The following NAV2 variants were observed in gnomAD, a reference collection of about 807,000 sequenced individuals.
The protein encoded by NAV2 is helicase, APC down-regulated 1.
In NAV2, 54 loss-of-function variants were observed where a neutral mutation model predicts 223.2. The ratio of observed to expected loss-of-function variants is 0.24; its 90% confidence interval spans 0.19 to 0.30. The LOEUF (loss-of-function observed/expected upper bound fraction) is 0.30. NAV2 is among the 10% of genes least tolerant of loss of function. The probability of loss-of-function intolerance (pLI) is 1.00; values close to 1 mark genes in which losing one functional copy is unlikely to be tolerated. For missense variants in NAV2, 2,806 were observed against 3,147.5 expected (o/e 0.89, Z 2.60); for synonymous variants, 1,279 against 1,239.3 (o/e 1.03, Z -0.67).
At chr11:19,502,454 C>T (rs2042989337) in intron 1 of NAV2, among the ~76,000 whole-genome samples, 2 of 152,284 alleles carry the variant, frequency 1.3e-5, no homozygotes, top group South Asian at 4.1e-4. Context: ...GGCAGGTACG[C>T]TTTGCTGATG....
At position 19,502,678 on chromosome 11, in the gene NAV2, A is replaced by G. The variant is rs936512418; in HGVS notation, c.75+151651A>G. The G allele has an allele frequency of 6.6e-5, 10 of 152,334 alleles. No homozygotes were observed. The East Asian group carries it at 1.9e-3, about 29-fold the overall frequency. The allele number at this position is 152,334 out of a possible 1,614,324, so 9.4% of individuals were successfully genotyped here. A position where few individuals can be genotyped will look rare whatever the true frequency, so the allele number is the denominator to read the frequency against. ...TCACCCCAAAATTTAGTAGTTTAAGATAACATCATTTTATTATGATATAAC... is the reference window on the plus strand; with the variant it reads ...TCACCCCAAAATTTAGTAGTTTAAGGTAACATCATTTTATTATGATATAAC... On this transcript the variant is annotated intron_variant, in intron 1 of 37. Transcript: ENST00000360655.
intron 17 of NAV2, among the ~76,000 whole-genome samples, chr11:20,052,511 T>C (rs935690873): frequency 2.0e-5 from 3 of 152,142 alleles, no homozygotes; most frequent in African/African-American, 7.2e-5. Context: ...TCACTGTGAG[T>C]TTGACTTTGA....
At chr11:19,553,251 C>T (rs928030740) in intron 1 of NAV2, among the ~76,000 whole-genome samples, 2 of 152,216 alleles carry the variant, frequency 1.3e-5, no homozygotes, top group African/African-American at 4.8e-5. Context: ...TCCTGGAAAT[C>T]TAGAGACAGA....
intron 10 of NAV2, among the ~76,000 whole-genome samples, chr11:19,965,523 T>C (rs1243108175): frequency 6.6e-6 from 1 of 152,204 alleles, no homozygotes; most frequent in African/African-American, 2.4e-5. Flanking sequence ...ATCTTGCTGC[T>C]AATATTTCTC....
Position 19,655,456 on chromosome 11 carries a change from G to A in NAV2, c.76-177028G>A, listed in dbSNP as rs572742465. On this transcript the variant is annotated intron_variant, in intron 1 of 37. Coordinates refer to the NAV2 transcript ENST00000360655. Reference sequence around the variant, plus strand: ...ATACATGCAGACGTATGTTTATTGTGGCACTATTCACAATAGCAAAGACTT... The same window carrying A: ...ATACATGCAGACGTATGTTTATTGTAGCACTATTCACAATAGCAAAGACTT... Among the ~76,000 whole-genome samples, 451 of 152,114 alleles carry A rather than the reference G, an allele frequency of 3.0e-3. 3 individuals are homozygous for A. Among genetic ancestry groups the A allele is most frequent in the South Asian group, 0.02 (95 of 4,822 alleles).
chr11:19,629,584 A>G (rs1216090508), intron 1 of NAV2, among the ~76,000 whole-genome samples: 2 of 141,410 alleles, frequency 1.4e-5, no homozygotes, highest in Non-Finnish European at 3.0e-5. Context: ...CACACAGCCT[A>G]GGAGAATTAA....
intron 14 of NAV2, among the ~76,000 whole-genome samples, chr11:20,046,662 T>C (rs1451333155): frequency 1.3e-5 from 2 of 151,004 alleles, no homozygotes; most frequent in Middle Eastern, 3.2e-3. Flanking sequence ...AAAAGAGAAG[T>C]TGATTTCCTG....
intron 1 of NAV2, among the ~76,000 whole-genome samples, chr11:19,412,992 A>C (rs1264054289): frequency 6.6e-6 from 1 of 152,200 alleles, no homozygotes; most frequent in Non-Finnish European, 1.5e-5. Context: ...AAAGGCTGAA[A>C]ATTCCAAAAA....
At chr11:19,377,406 G>T (rs1356884039) in intron 1 of NAV2, among the ~76,000 whole-genome samples, 6 of 152,150 alleles carry the variant, frequency 3.9e-5, no homozygotes, top group African/African-American at 1.4e-4. Flanking sequence ...ACCCTGCTCT[G>T]TTCCTGTTCC....
chr11:19,430,879 A>C (rs1456617397), intron 1 of NAV2, among the ~76,000 whole-genome samples: 1 of 152,220 alleles, frequency 6.6e-6, no homozygotes, highest in African/African-American at 2.4e-5. Flanking sequence ...GGGTGTTTCC[A>C]GGCTAGCTTT....
At chr11:19,602,008 G>A (rs556953343) in intron 1 of NAV2, among the ~76,000 whole-genome samples, 4 of 152,182 alleles carry the variant, frequency 2.6e-5, no homozygotes, top group Non-Finnish European at 5.9e-5. Flanking sequence ...CCATGGTCCT[G>A]TTGTCCCAGT....
intron 1 of NAV2, among the ~76,000 whole-genome samples, chr11:19,579,067 C>A (rs937044666): frequency 3.9e-5 from 6 of 152,192 alleles, no homozygotes; most frequent in African/African-American, 1.4e-4. Flanking sequence ...AAAAAGAAAT[C>A]TCTCCCAAGA....
intron 8 of NAV2, among the ~76,000 whole-genome samples, chr11:19,940,262 A>AT (rs1422963404): frequency 5.9e-5 from 9 of 152,328 alleles, no homozygotes; most frequent in Admixed American, 5.9e-4. Flanking sequence ...ACAAAAAAAA[A>AT]ATATAAATTT....
intron 1 of NAV2, among the ~76,000 whole-genome samples, chr11:19,421,481 T>C (rs1490843837): frequency 6.6e-6 from 1 of 152,208 alleles, no homozygotes; most frequent in African/African-American, 2.4e-5. Context: ...TTGTTATCAA[T>C]TTATTTTGTT....
At chr11:19,472,084 G>GT (rs1226811991) in intron 1 of NAV2, among the ~76,000 whole-genome samples, 4 of 152,172 alleles carry the variant, frequency 2.6e-5, no homozygotes, top group African/African-American at 9.7e-5. Context: ...TGTCTGTGTT[G>GT]TTGGGCAGGT....
intron 11 of NAV2, among the ~76,000 whole-genome samples, chr11:20,026,513 T>C (rs2055092479): frequency 6.6e-6 from 1 of 152,114 alleles, no homozygotes; most frequent in South Asian, 2.1e-4. Flanking sequence ...GGTTTCACTG[T>C]GTTAGCCAGG....
In NAV2 at chr11:19,967,228, C is replaced by T. The variant is rs142331138; in HGVS notation, c.2646-16897C>T. 1.1e-3 allele frequency among the ~76,000 whole-genome samples: 163 copies of T among 152,246 alleles called. 5 individuals are homozygous for T. In the East Asian group the frequency reaches 0.027, roughly 25 times the overall value. On this transcript the variant is annotated intron_variant, in intron 10 of 37. Coordinates refer to ENST00000349880, the MANE Select transcript of NAV2 (RefSeq NM_145117.5). ...GTGCTGCCGCCTGTTGCACTTTAGGCTCTGTAGACCCAAGGATTTTCCTAC... is the reference window on the plus strand; with the variant it reads ...GTGCTGCCGCCTGTTGCACTTTAGGTTCTGTAGACCCAAGGATTTTCCTAC...
chr11:19,351,944 C>T (rs1028777661), intron 1 of NAV2, among the ~76,000 whole-genome samples: 1 of 151,032 alleles, frequency 6.6e-6, no homozygotes. Flanking sequence ...CCTTCTGACT[C>T]TTCCCTATGA....
intron 10 of NAV2, among the ~76,000 whole-genome samples, chr11:19,961,193 TC>T (rs2048330880): frequency 6.6e-6 from 1 of 152,098 alleles, no homozygotes; most frequent in South Asian, 2.1e-4. Flanking sequence ...CAAGCAGTCC[TC>T]CCACCTTGAC....
Sources: allele counts gnomAD v4.1 joint callset (sites outside exome capture counted in the v4.1 genomes callset), GRCh38; gene constraint gnomAD v4.1.1; transcripts MANE v1.5; gene names NCBI Gene and HGNC (gene_info 2026-07-23, HGNC 2026-07-21).